IGSF11: variants seen among roughly 807,000 people sequenced by gnomAD.
The protein encoded by IGSF11 is immunoglobulin superfamily member 11.
A neutral mutation model predicts 41.0 loss-of-function variants in IGSF11; 22 were observed. That is an observed-to-expected ratio of 0.54 (90% CI 0.38 to 0.77). The LOEUF (loss-of-function observed/expected upper bound fraction) is 0.77. Ranked by LOEUF, IGSF11 falls within the 30% of genes least tolerant of loss-of-function variation. The pLI is 0.00. For missense variants in IGSF11, 444 were observed against 530.8 expected (o/e 0.84, Z 1.61); for synonymous variants, 219 against 201.3 (o/e 1.09, Z -0.74).
intron 1 of IGSF11, among the ~76,000 whole-genome samples, chr3:119,063,368 T>C (rs938922677): frequency 6.6e-6 from 1 of 152,172 alleles, no homozygotes; most frequent in African/African-American, 2.4e-5. Flanking sequence ...GTGAAAAAAT[T>C]GAGATATTTT....
chr3:119,041,017 C>G (rs1184174691), intron 1 of IGSF11, among the ~76,000 whole-genome samples: 1 of 152,022 alleles, frequency 6.6e-6, no homozygotes, highest in Non-Finnish European at 1.5e-5. Context: ...TGAAGGAAAA[C>G]TTAAAGCCTC....
upstream of IGSF11, among the ~76,000 whole-genome samples, chr3:119,036,727 A>G (rs937978071): frequency 6.6e-6 from 1 of 152,056 alleles, no homozygotes; most frequent in African/African-American, 2.4e-5. Flanking sequence ...CTGACCCCAA[A>G]TAAGTTCCAA....
At chr3:119,104,808 G>A (rs2076994425) in intron 1 of IGSF11, among the ~76,000 whole-genome samples, 2 of 152,054 alleles carry the variant, frequency 1.3e-5, no homozygotes, top group Non-Finnish European at 1.5e-5. Context: ...ACCAATAGCT[G>A]TTTATACTTC....
rs1206022671 is a variant in IGSF11 at position 118,918,204 on chromosome 3, G to C, written c.580+7897C>G. Among the ~76,000 whole-genome samples the C allele has an allele frequency of 4.6e-3, 482 of 104,980 alleles. 7 individuals carry two copies. The highest frequency in any genetic ancestry group is 6.7e-3 in the Non-Finnish European group (391 of 57,966). 68.9% of individuals were successfully genotyped at this position (104,980 alleles called of 152,430 possible). A position where few individuals can be genotyped will look rare whatever the true frequency, so the allele number is the denominator to read the frequency against. ...TCCCTTTGAAAACTGGCACAAGACA[G>C]GGATGCCCTCTCTCACCGCTCCTAT... On this transcript the variant is annotated intron_variant, in intron 4 of 6. Transcript: ENST00000393775.
rs1392347556 is a variant in IGSF11 at position 119,001,481 on chromosome 3, T to A, written c.52+33050A>T. On this transcript the variant is annotated intron_variant, in intron 1 of 6. Transcript: ENST00000393775. ...CCCCAGGTTTTCTTTTTTTTTTTTTTTTATTATACTTTAAGTTTTAGGGTA... is the reference window on the plus strand; with the variant it reads ...CCCCAGGTTTTCTTTTTTTTTTTTTATTATTATACTTTAAGTTTTAGGGTA... Among the ~76,000 whole-genome samples the A allele has an allele frequency of 1.7e-3, 251 of 149,558 alleles. 2 individuals are homozygous for A. The highest frequency in any genetic ancestry group is 5.1e-3 in the African/African-American group (208 of 41,092).
intron 1 of IGSF11, among the ~76,000 whole-genome samples, chr3:119,004,979 G>C (rs1227852662): frequency 3.7e-4 from 56 of 151,080 alleles, no homozygotes; most frequent in Middle Eastern, 3.4e-3. Context: ...TCTATTAGGT[G>C]CGCTTGGTGC....
At chr3:118,983,386 G>A (rs559609951) in intron 1 of IGSF11, 54 of 152,286 alleles carry the variant, frequency 3.5e-4, no homozygotes, top group African/African-American at 1.3e-3. Flanking sequence ...AATACATTAT[G>A]GCATACGGCT....
At chr3:119,050,902 A>C (rs1248088456) in intron 1 of IGSF11, among the ~76,000 whole-genome samples, 17 of 149,728 alleles carry the variant, frequency 1.1e-4, no homozygotes, top group Admixed American at 2.0e-4. Flanking sequence ...AAGGACAAAA[A>C]ACCAAACACC....
chr3:119,030,143 C>T (rs1416731717), intron 1 of IGSF11, among the ~76,000 whole-genome samples: 1 of 152,214 alleles, frequency 6.6e-6, no homozygotes, highest in African/African-American at 2.4e-5. Flanking sequence ...TTATATCTCT[C>T]TCAAGATCAA....
chr3:119,017,401 C>T (rs904840705), intron 1 of IGSF11, among the ~76,000 whole-genome samples: 1 of 152,158 alleles, frequency 6.6e-6, no homozygotes, highest in Non-Finnish European at 1.5e-5. Flanking sequence ...TGTATCTAAA[C>T]ATATTTAACA....
chr3:119,042,369 C>T (rs527341737), intron 1 of IGSF11, among the ~76,000 whole-genome samples: 1 of 152,192 alleles, frequency 6.6e-6, no homozygotes, highest in African/African-American at 2.4e-5. Flanking sequence ...GGGTTGTAGC[C>T]TTGGGCAAGA....
At chr3:119,103,542 T>G (rs1315283136) in intron 1 of IGSF11, among the ~76,000 whole-genome samples, 1 of 152,186 alleles carries the variant, frequency 6.6e-6, no homozygotes, top group African/African-American at 2.4e-5. Context: ...ATTTCTGGAT[T>G]AGCAGAAATT....
intron 1 of IGSF11, among the ~76,000 whole-genome samples, chr3:119,094,251 A>AAAAAAAAAAAAAAAAAAAAAAG (rs2076812553): frequency 7.9e-6 from 1 of 125,966 alleles, no homozygotes; most frequent in African/African-American, 2.7e-5. Context: ...AAAAAAAAAA[A>AAAAAAAAAAAAAAAAAAAAAAG]GTTGTTGTTC....
At chr3:119,037,743 C>A (rs1263753838), upstream of IGSF11, among the ~76,000 whole-genome samples, 1 of 152,090 alleles carries the variant, frequency 6.6e-6, no homozygotes, top group Non-Finnish European at 1.5e-5. Context: ...AATCTGCATT[C>A]AAGAATGGAA....
intron 4 of IGSF11, among the ~76,000 whole-genome samples, chr3:118,920,122 A>AG (rs1351020903): frequency 6.2e-5 from 5 of 80,228 alleles, no homozygotes; most frequent in South Asian, 4.9e-4. Flanking sequence ...GGGTGGGGGG[A>AG]GGGGGGAGGG....
At chr3:119,108,989 G>T (rs201227373), upstream of IGSF11, among the ~76,000 whole-genome samples, 77 of 111,594 alleles carry the variant, frequency 6.9e-4, 1 homozygote, top group East Asian at 0.018. Context: ...GATTCAGTTT[G>T]CCAGTATTTT....
intron 1 of IGSF11, among the ~76,000 whole-genome samples, chr3:119,085,698 C>G (rs2076659295): frequency 1.3e-5 from 2 of 152,076 alleles, no homozygotes. Flanking sequence ...AAGAAAAACC[C>G]AAACTGAACT....
intron 1 of IGSF11, among the ~76,000 whole-genome samples, chr3:119,134,883 G>A (rs559376657): frequency 3.9e-5 from 6 of 152,120 alleles, no homozygotes; most frequent in South Asian, 2.1e-4. Context: ...CAATAGAACC[G>A]AACAGAGGCC....
In IGSF11 at chr3:118,982,012, A is replaced by C. The variant is rs150002616; in HGVS notation, c.53-51737T>G. ...TCACCCGACCAACACAACCAAACCTAACTCTCTGCCCAGTCATGGCTCTCC... is the reference window on the plus strand; with the variant it reads ...TCACCCGACCAACACAACCAAACCTCACTCTCTGCCCAGTCATGGCTCTCC... On this transcript the variant is annotated intron_variant, in intron 1 of 6. Coordinates refer to ENST00000393775, the MANE Select transcript of IGSF11 (RefSeq NM_001015887.3). The C allele has an allele frequency of 9.8e-5, 15 of 152,384 alleles. No individual in the cohort carries two copies. In the East Asian group the frequency reaches 2.9e-3, roughly 29 times the overall value. The allele number at this position is 152,384 out of a possible 1,614,324, so 9.4% of individuals were successfully genotyped here.
Sources: gnomAD v4.1 joint callset for allele counts (sites outside exome capture counted in the v4.1 genomes callset) on GRCh38, gnomAD v4.1.1 for gene constraint, MANE v1.5 for transcripts, NCBI Gene and HGNC (gene_info 2026-07-23, HGNC 2026-07-21) for gene names.